Variants in MINAR1 observed in about 807,000 individuals in gnomAD.
MINAR1 encodes membrane integral NOTCH2 associated receptor 1, also known as major intrinsically disordered Notch2-binding receptor 1.
In MINAR1, 40 loss-of-function variants were observed where a neutral mutation model predicts 65.1. The ratio of observed to expected loss-of-function variants is 0.61; its 90% CI spans 0.48 to 0.80. The LOEUF (loss-of-function observed/expected upper bound fraction) is 0.80, where lower values mean the gene tolerates loss of function less well. Ranked by LOEUF, MINAR1 falls within the 30% of genes least tolerant of loss-of-function variation. MINAR1 has a pLI of 0.00. For synonymous variants in MINAR1, 482 were observed against 449.1 expected, an observed-to-expected ratio of 1.07 and a Z score of -0.93; for missense variants, 1,128 against 1,148.0, an observed-to-expected ratio of 0.98 and a Z score of 0.25.
At chr15:79,412,692 C>G in the MINAR1 span, 1 of 152,606 alleles carries the variant, frequency 6.6e-6, no homozygotes, top group African/African-American at 2.4e-5. Flanking sequence ...CCCCTAGCAC[C>G]CTGCCATAGC....
At chr15:79,424,889 A>G in the MINAR1 span, 5 of 152,338 alleles carry the variant, frequency 3.3e-5, no homozygotes, top group South Asian at 6.2e-4. Flanking sequence ...GAGAAGAAAT[A>G]GAAGGAAGGC....
At chr15:79,454,271 A>G (rs906662643) in intron 1 of MINAR1, among the ~76,000 whole-genome samples, 2 of 152,194 alleles carry the variant, frequency 1.3e-5, no homozygotes, top group Non-Finnish European at 2.9e-5. Flanking sequence ...ATCCCTCCAG[A>G]CATTCATGGG....
At chr15:79,440,105 G>A (rs552067941) in intron 1 of MINAR1, among the ~76,000 whole-genome samples, 1 of 152,196 alleles carries the variant, frequency 6.6e-6, no homozygotes, top group South Asian at 2.1e-4. Context: ...TTCCCAGTTA[G>A]CCGTCACTGC....
At chr15:79,422,376 C>T in the MINAR1 span, 1 of 151,972 alleles carries the variant, frequency 6.6e-6, no homozygotes, top group South Asian at 2.1e-4. Context: ...CGTGGTGAAA[C>T]CCCGTCTCTA....
chr15:79,463,342 GGGT>G (rs201631173), intron 3 of MINAR1, 21 bp downstream of exon 3: 103 of 1,605,068 alleles, frequency 6.4e-5, no homozygotes, highest in South Asian at 2.2e-5. Context: ...CACTGTCCCT[GGGT>G]GGGGGAAGCC....
chr15:79,465,587 A>G (rs1352020968), intron 3 of MINAR1, among the ~76,000 whole-genome samples: 1 of 152,166 alleles, frequency 6.6e-6, no homozygotes, highest in East Asian at 1.9e-4. Context: ...TAGTGTATAT[A>G]GCTATGAAAG....
intron 1 of MINAR1, among the ~76,000 whole-genome samples, chr15:79,439,475 T>C (rs772363772): frequency 7.3e-4 from 110 of 150,954 alleles, no homozygotes; most frequent in Non-Finnish European, 1.3e-3. Flanking sequence ...GCCATGAGTA[T>C]GTGGGATATG....
intron 1 of MINAR1, among the ~76,000 whole-genome samples, chr15:79,436,702 A>G (rs933180194): frequency 6.6e-6 from 1 of 152,216 alleles, no homozygotes; most frequent in African/African-American, 2.4e-5. Context: ...ATGCATACGC[A>G]TGCATGTCAT....
chr15:79,416,974 A>G, the MINAR1 span: 2 of 152,202 alleles, frequency 1.3e-5, no homozygotes, highest in Non-Finnish European at 2.9e-5. Flanking sequence ...GGCTCTGGAA[A>G]ATCTCTACCT....
intron 1 of MINAR1, among the ~76,000 whole-genome samples, chr15:79,453,579 G>T (rs1211020437): frequency 6.6e-6 from 1 of 152,068 alleles, no homozygotes; most frequent in African/African-American, 2.4e-5. Flanking sequence ...ATCCATCTCT[G>T]CTCTTGCTCT....
intron 3 of MINAR1, among the ~76,000 whole-genome samples, chr15:79,465,021 A>T (rs74705481): frequency 0.016 from 2,387 of 152,282 alleles, 82 homozygotes; most frequent in African/African-American, 0.054. Context: ...TGGAAGATTT[A>T]CCCCCTACAG....
At chr15:79,461,141 T>C (rs577772425) in intron 2 of MINAR1, among the ~76,000 whole-genome samples, 1 of 152,356 alleles carries the variant, frequency 6.6e-6, no homozygotes, top group East Asian at 1.9e-4. Flanking sequence ...ATTATGTATA[T>C]ATATTGACTG....
the MINAR1 span, chr15:79,420,529 G>T: frequency 1.3e-5 from 2 of 152,236 alleles, no homozygotes; most frequent in Admixed American, 1.3e-4. Flanking sequence ...TTTTTATCTA[G>T]AAATGACTGC....
chr15:79,418,147 G>A, the MINAR1 span: 1 of 152,202 alleles, frequency 6.6e-6, no homozygotes, highest in South Asian at 2.1e-4. Flanking sequence ...AGTTGTTTAT[G>A]GGAATCCCAG....
In MINAR1 at chr15:79,468,413, A is replaced by G. The variant is rs1313200893; in HGVS notation, c.*29A>G. 2 of 1,589,126 alleles carry G rather than the reference A, an allele frequency of 1.3e-6. No homozygotes were observed. Among genetic ancestry groups the G allele is most frequent in the East Asian group, 2.2e-5 (1 of 44,608 alleles). On this transcript the variant is annotated 3_prime_UTR_variant, in exon 4 of 4. Coordinates refer to ENST00000305428, the MANE Select transcript of MINAR1 (RefSeq NM_015206.3). ...AAGAATGCAACCTTACGTACAGCTT[A>G]TGACTACCAATGTCGTCGTCTGTAT...
At chr15:79,465,505 G>A (rs867809638) in intron 3 of MINAR1, among the ~76,000 whole-genome samples, 6 of 152,118 alleles carry the variant, frequency 3.9e-5, no homozygotes, top group Middle Eastern at 6.8e-3. Context: ...TACTTGGTGC[G>A]ATTACAGCTT....
At chr15:79,431,852 G>C (rs547534927), upstream of MINAR1, among the ~76,000 whole-genome samples, 1 of 152,324 alleles carries the variant, frequency 6.6e-6, no homozygotes, top group South Asian at 2.1e-4. Context: ...ACCTGGGACC[G>C]AACGGACACC....
At chr15:79,455,997 C>G (rs1895397397) in intron 1 of MINAR1, 101 bp from the exon 2 acceptor site, 1 of 641,070 alleles carries the variant, frequency 1.6e-6, no homozygotes, top group Non-Finnish European at 2.6e-6. Context: ...AAATGTTTTT[C>G]TCTGTATTTC....
intron 3 of MINAR1, among the ~76,000 whole-genome samples, chr15:79,465,581 G>C (rs1437617000): frequency 6.6e-6 from 1 of 152,104 alleles, no homozygotes; most frequent in Non-Finnish European, 1.5e-5. Context: ...CCGTAATAGT[G>C]TATATAGCTA....
Sources: allele counts gnomAD v4.1 joint callset (sites outside exome capture counted in the v4.1 genomes callset), GRCh38; gene constraint gnomAD v4.1.1; transcripts MANE v1.5; gene names NCBI Gene and HGNC (gene_info 2026-07-23, HGNC 2026-07-21).